Variants in MYT1L observed in about 807,000 individuals in gnomAD.
The protein encoded by MYT1L is myelin transcription factor 1 like.
In MYT1L, 12 loss-of-function variants were observed where a neutral mutation model predicts 126.7. The ratio of observed to expected loss-of-function variants is 0.09; its 90% CI spans 0.06 to 0.15. The LOEUF (loss-of-function observed/expected upper bound fraction) is 0.15. MYT1L is among the 10% of genes least tolerant of loss of function. The pLI is 1.00. For missense variants in MYT1L, 979 were observed against 1,585.2 expected (o/e 0.62, Z 6.49); for synonymous variants, 541 against 604.2 (o/e 0.90, Z 1.53).
intron 8 of MYT1L, among the ~76,000 whole-genome samples, chr2:1,950,413 A>G (rs529147814): frequency 1.3e-5 from 2 of 152,326 alleles, no homozygotes; most frequent in Admixed American, 1.3e-4. Flanking sequence ...ACTGAGCAAT[A>G]CAGACCTACT....
intron 3 of MYT1L, among the ~76,000 whole-genome samples, chr2:2,169,630 G>T (rs1334250935): frequency 2.0e-5 from 3 of 151,466 alleles, no homozygotes; most frequent in Non-Finnish European, 2.9e-5. Flanking sequence ...GTTTGCTATG[G>T]TTTTTTTTTA....
In MYT1L at chr2:2,004,323, G is replaced by A. The variant is rs181525068; in HGVS notation, c.-157-6976C>T. On this transcript the variant is annotated intron_variant, in intron 4 of 24. Coordinates refer to ENST00000647738, the MANE Select transcript of MYT1L (RefSeq NM_001303052.2). ...CCTGCATGCGTTCTTTCCTGCAGGCGTTCTTTCCTGCATACGTTCTTTCCT... is the reference window on the plus strand; with the variant it reads ...CCTGCATGCGTTCTTTCCTGCAGGCATTCTTTCCTGCATACGTTCTTTCCT... 2.0e-3 allele frequency among the ~76,000 whole-genome samples: 262 copies of A among 128,340 alleles called. 11 individuals carry two copies. Among genetic ancestry groups the A allele is most frequent in the African/African-American group, 6.9e-3 (229 of 33,104 alleles). 84.2% of individuals were successfully genotyped at this position (128,340 alleles called of 152,430 possible).
At chr2:2,173,841 T>C (rs539234678) in intron 2 of MYT1L, among the ~76,000 whole-genome samples, 1 of 152,334 alleles carries the variant, frequency 6.6e-6, no homozygotes, top group African/African-American at 2.4e-5. Context: ...GGGCTCCCCA[T>C]GCTGTTTATG....
At chr2:2,156,541 CAGTTTAAAAATTTAATGTAGATTAGA>C (rs1364059462) in intron 3 of MYT1L, among the ~76,000 whole-genome samples, 1 of 152,188 alleles carries the variant, frequency 6.6e-6, no homozygotes, top group Non-Finnish European at 1.5e-5. Flanking sequence ...GAAAAAAGTC[CAGTTTAAAAATTTAATGTAGATTAGA>C]AGTTTATTGT....
chr2:1,881,136 A>G (rs533208029), intron 18 of MYT1L, among the ~76,000 whole-genome samples: 3 of 152,304 alleles, frequency 2.0e-5, no homozygotes, highest in Admixed American at 6.5e-5. Context: ...TCTCAGGCTT[A>G]CTGTGAGAGG....
chr2:1,968,638 G>A (rs1320599047), intron 8 of MYT1L, among the ~76,000 whole-genome samples: 2 of 152,176 alleles, frequency 1.3e-5, no homozygotes, highest in Non-Finnish European at 2.9e-5. Context: ...TGCAACCAGA[G>A]GCTTGCGAAG....
intron 18 of MYT1L, among the ~76,000 whole-genome samples, chr2:1,856,294 C>T (rs2043906227): frequency 6.6e-6 from 1 of 152,184 alleles, no homozygotes; most frequent in South Asian, 2.1e-4. Context: ...CTTTACTATT[C>T]ACCACCAAAG....
chr2:2,279,284 G>A (rs770373270), intron 2 of MYT1L, among the ~76,000 whole-genome samples: 17 of 152,248 alleles, frequency 1.1e-4, no homozygotes, highest in South Asian at 6.2e-4. Context: ...TATATTTCAA[G>A]GCTATGCCTG....
chr2:1,954,289 T>G (rs2058140136), intron 8 of MYT1L, among the ~76,000 whole-genome samples: 1 of 152,170 alleles, frequency 6.6e-6, no homozygotes, highest in Non-Finnish European at 1.5e-5. Context: ...CTGCTGGCAC[T>G]CACTGCCCGT....
intron 19 of MYT1L, among the ~76,000 whole-genome samples, chr2:1,849,976 G>A (rs2042997329): frequency 6.8e-6 from 1 of 147,346 alleles, no homozygotes; most frequent in Non-Finnish European, 1.5e-5. Context: ...GGGACAGATA[G>A]CAGGTTTCAC....
intron 21 of MYT1L, among the ~76,000 whole-genome samples, chr2:1,822,449 GGA>G (rs1408662602): frequency 1.3e-5 from 2 of 152,194 alleles, no homozygotes; most frequent in Admixed American, 1.3e-4. Context: ...TCTGTTTCCT[GGA>G]GAGCGCAGGG....
At chr2:2,293,983 C>T (rs1458449723) in intron 1 of MYT1L, among the ~76,000 whole-genome samples, 1 of 152,004 alleles carries the variant, frequency 6.6e-6, no homozygotes, top group Non-Finnish European at 1.5e-5. Context: ...AGGACAGGGC[C>T]CCCCGCTTTC....
At chr2:2,162,325 G>T (rs541095738) in intron 3 of MYT1L, among the ~76,000 whole-genome samples, 1 of 151,636 alleles carries the variant, frequency 6.6e-6, no homozygotes, top group Admixed American at 6.6e-5. Flanking sequence ...AGGTGGGAAT[G>T]CAGGTGGTGT....
At chr2:1,936,571 C>T (rs13386471) in intron 9 of MYT1L, among the ~76,000 whole-genome samples, 11,232 of 152,232 alleles carry the variant, frequency 0.074, 435 homozygotes, top group African/African-American at 0.11. Context: ...GTTGAAGCCT[C>T]GCATACCAAA....
chr2:1,830,990 T>TG, intron 21 of MYT1L, among the ~76,000 whole-genome samples: 1 of 152,272 alleles, frequency 6.6e-6, no homozygotes, highest in East Asian at 1.9e-4. Context: ...AGCTGAGTGT[T>TG]GGGGACAAAA....
At chr2:2,299,558 G>GC (rs1297117582) in intron 1 of MYT1L, among the ~76,000 whole-genome samples, 1 of 152,214 alleles carries the variant, frequency 6.6e-6, no homozygotes, top group Non-Finnish European at 1.5e-5. Context: ...CTCAAGATAC[G>GC]CAACTAGAGG....
intron 18 of MYT1L, among the ~76,000 whole-genome samples, chr2:1,867,647 C>T (rs1262850887): frequency 1.3e-5 from 2 of 152,180 alleles, no homozygotes; most frequent in East Asian, 1.9e-4. Context: ...CCTCGGGGCG[C>T]TCTCTGGCTC....
intron 2 of MYT1L, among the ~76,000 whole-genome samples, chr2:2,261,985 G>T (rs2094979992): frequency 6.6e-6 from 1 of 152,180 alleles, no homozygotes; most frequent in Non-Finnish European, 1.5e-5. Context: ...TTTAAAAAGT[G>T]CATGATAAAA....
At chr2:2,312,900 CT>C (rs1421751747) in intron 1 of MYT1L, among the ~76,000 whole-genome samples, 4 of 151,944 alleles carry the variant, frequency 2.6e-5, no homozygotes, top group Non-Finnish European at 2.9e-5. Flanking sequence ...GAACAGCAGG[CT>C]GTCACAGAGA....
Sources: gnomAD v4.1 joint callset for allele counts (sites outside exome capture counted in the v4.1 genomes callset) on GRCh38, gnomAD v4.1.1 for gene constraint, MANE v1.5 for transcripts, NCBI Gene and HGNC (gene_info 2026-07-23, HGNC 2026-07-21) for gene names.